The following ANK2 variants were observed in gnomAD, a reference collection of about 807,000 sequenced individuals.
ANK2 encodes ankyrin-2.
ANK2 carries 83 observed loss-of-function variants against 360.5 expected under a neutral mutation model. The observed-to-expected ratio is 0.23, with a 90% confidence interval of 0.19 to 0.28. The LOEUF is 0.28. Ranked by LOEUF, ANK2 falls within the 10% of genes least tolerant of loss-of-function variation. The pLI, the probability that ANK2 is intolerant of heterozygous loss-of-function variation, is 1.00. For missense variants in ANK2, 4,201 were observed against 4,795.7 expected (o/e 0.88, Z 3.66); for synonymous variants, 1,740 against 1,759.5 (o/e 0.99, Z 0.28).
At chr4:112,772,587 T>G in the ANK2 span, among the ~76,000 whole-genome samples, 1 of 152,188 alleles carries the variant, frequency 6.6e-6, no homozygotes, top group African/African-American at 2.4e-5. Context: ...TCCTGAAATC[T>G]GACTTAAATG....
chr4:113,027,488 G>A (rs2059530619), intron 2 of ANK2, among the ~76,000 whole-genome samples: 1 of 152,120 alleles, frequency 6.6e-6, no homozygotes, highest in Admixed American at 6.6e-5. Context: ...TTTACCTGCA[G>A]CCCTTCTACT....
chr4:113,332,909 A>T, intron 28 of ANK2, 145 bp from the exon 29 acceptor site: 2 of 1,155,720 alleles, frequency 1.7e-6, no homozygotes, highest in South Asian at 2.6e-5. Context: ...ACCATCTGCT[A>T]GCCAGTGGGC....
At chr4:113,349,849 T>A (rs2095285310) in intron 36 of ANK2, among the ~76,000 whole-genome samples, 1 of 152,178 alleles carries the variant, frequency 6.6e-6, no homozygotes, top group African/African-American at 2.4e-5. Flanking sequence ...CACATCACCC[T>A]AGTGTTGCTG....
intron 43 of ANK2, chr4:113,372,674 T>C (rs909530137): frequency 3.1e-6 from 4 of 1,306,364 alleles, no homozygotes; most frequent in Admixed American, 4.0e-5. Context: ...TGTCCCCATA[T>C]TCTAAGAGTG....
intron 1 of ANK2, among the ~76,000 whole-genome samples, chr4:113,059,061 G>T (rs903007762): frequency 4.6e-5 from 7 of 152,074 alleles, no homozygotes; most frequent in East Asian, 1.9e-4. Context: ...GCCTTCTGGG[G>T]CGTCTTTTAT....
At chr4:112,804,055 G>A in the ANK2 span, among the ~76,000 whole-genome samples, 2 of 148,240 alleles carry the variant, frequency 1.3e-5, no homozygotes, top group African/African-American at 2.5e-5. Context: ...GTCTCGCTCT[G>A]TCACCCAGGC....
intron 7 of ANK2, among the ~76,000 whole-genome samples, chr4:113,237,839 A>G (rs1470025985): frequency 6.6e-6 from 1 of 152,232 alleles, no homozygotes; most frequent in Non-Finnish European, 1.5e-5. Flanking sequence ...AACTATTTAA[A>G]TAAGTTATTA....
chr4:113,124,447 C>T (rs1398987522), intron 1 of ANK2, among the ~76,000 whole-genome samples: 1 of 152,140 alleles, frequency 6.6e-6, no homozygotes, highest in Non-Finnish European at 1.5e-5. Flanking sequence ...TTTCAATACT[C>T]CTAACTCTTC....
At chr4:113,038,971 G>A (rs945407894) in intron 2 of ANK2, among the ~76,000 whole-genome samples, 4 of 151,974 alleles carry the variant, frequency 2.6e-5, no homozygotes, top group Non-Finnish European at 5.9e-5. Context: ...CTTAATCCCC[G>A]ACTCACAAAT....
At chr4:112,738,801 A>G in the ANK2 span, 1 of 624,130 alleles carries the variant, frequency 1.6e-6, no homozygotes, top group Non-Finnish European at 3.0e-6. Context: ...TATTGACAAC[A>G]GGGTTCATAG....
At chr4:112,823,383 GT>G (rs1210147629) in intron 1 of ANK2, among the ~76,000 whole-genome samples, 1 of 152,168 alleles carries the variant, frequency 6.6e-6, no homozygotes, top group Non-Finnish European at 1.5e-5. Context: ...ATGACTGCAT[GT>G]GTGACATTTC....
intron 2 of ANK2, among the ~76,000 whole-genome samples, chr4:112,994,948 A>G (rs2048049203): frequency 6.6e-6 from 1 of 152,054 alleles, no homozygotes; most frequent in African/African-American, 2.4e-5. Flanking sequence ...TTCCTTTTTT[A>G]TGGCTGCATA....
At chr4:112,964,351 A>G (rs1004134201) in intron 2 of ANK2, among the ~76,000 whole-genome samples, 3 of 150,252 alleles carry the variant, frequency 2.0e-5, no homozygotes, top group Non-Finnish European at 4.4e-5. Flanking sequence ...AGCTGCTGGT[A>G]ACAATTCTTC....
At chr4:112,921,166 A>G (rs1337229329) in intron 2 of ANK2, among the ~76,000 whole-genome samples, 1 of 148,038 alleles carries the variant, frequency 6.8e-6, no homozygotes, top group Admixed American at 6.9e-5. Flanking sequence ...AGCTGGGGCT[A>G]CAGGCGTGTG....
intron 2 of ANK2, among the ~76,000 whole-genome samples, chr4:113,016,665 T>A (rs892832311): frequency 6.6e-6 from 1 of 152,126 alleles, no homozygotes; most frequent in African/African-American, 2.4e-5. Flanking sequence ...TTGTCCTTTT[T>A]TAAAGAGCTA....
At position 113,140,664 on chromosome 4, in the gene ANK2, T is replaced by C. The variant is rs565553287; in HGVS notation, c.85-33752T>C. On this transcript the variant is annotated intron_variant, in intron 1 of 45. Coordinates refer to ENST00000357077, the MANE Select transcript of ANK2 (RefSeq NM_001148.6). ...AATTTTTTTTTCAGTCTTTTTAATA[T>C]GATAGCACTAGCCCTTTAAGAATAA... Among the ~76,000 whole-genome samples, 5 of 152,264 alleles carry C rather than the reference T, an allele frequency of 3.3e-5. No homozygotes were observed. The East Asian group carries it at 5.8e-4, about 18-fold the overall frequency.
At chr4:113,222,693 T>C (rs1245143912) in intron 4 of ANK2, among the ~76,000 whole-genome samples, 2 of 152,178 alleles carry the variant, frequency 1.3e-5, no homozygotes, top group African/African-American at 4.8e-5. Context: ...AGCATAGTTG[T>C]GGATATAAAA....
At chr4:112,851,263 A>G (rs998508710) in intron 1 of ANK2, among the ~76,000 whole-genome samples, 6 of 152,212 alleles carry the variant, frequency 3.9e-5, no homozygotes, top group African/African-American at 1.4e-4. Context: ...AATAATTGCC[A>G]TCCAAAGATA....
chr4:112,957,837 A>T (rs1021591717), intron 2 of ANK2, among the ~76,000 whole-genome samples: 5 of 147,988 alleles, frequency 3.4e-5, no homozygotes, highest in African/African-American at 1.3e-4. Flanking sequence ...CACTTCTCAG[A>T]CGGGGCGGTT....
Sources: gnomAD v4.1 joint callset for allele counts (sites outside exome capture counted in the v4.1 genomes callset) on GRCh38, gnomAD v4.1.1 for gene constraint, MANE v1.5 for transcripts, NCBI Gene and HGNC (gene_info 2026-07-23, HGNC 2026-07-21) for gene names.